The following ZNF451 variants were observed in gnomAD, a reference collection of about 807,000 sequenced individuals.
ZNF451 encodes E3 SUMO-protein ligase ZNF451.
In ZNF451, 80 loss-of-function variants were observed where a neutral mutation model predicts 107.1. That is an observed-to-expected ratio of 0.75 (90% CI 0.62 to 0.90). The LOEUF (loss-of-function observed/expected upper bound fraction) is 0.90. Ranked by LOEUF, ZNF451 falls within the 40% of genes least tolerant of loss-of-function variation. ZNF451 has a pLI of 0.00. For missense variants in ZNF451, 1,107 were observed against 1,236.2 expected, an observed-to-expected ratio of 0.90 and a Z score of 1.57; for synonymous variants, 362 against 406.5, an observed-to-expected ratio of 0.89 and a Z score of 1.32.
At chr6:57,131,974 T>C (rs1329707670) in intron 5 of ZNF451, among the ~76,000 whole-genome samples, 1 of 152,130 alleles carries the variant, frequency 6.6e-6, no homozygotes, top group Non-Finnish European at 1.5e-5. Context: ...GGCTGGGGGA[T>C]TCATCTACAA....
Position 57,147,781 on chromosome 6 carries a change from G to A in ZNF451, c.1696G>A (p.Val566Ile), listed in dbSNP as rs755477885. 13 of 1,613,846 alleles carry A rather than the reference G, an allele frequency of 8.1e-6. No homozygotes were observed. In the South Asian group the frequency reaches 1.3e-4, roughly 16 times the overall value. Residue 566 changes from valine (V) to isoleucine (I), a missense_variant, in exon 10 of 15, where the codon GTA becomes ATA. Physicochemically the swap from Val to Ile is conservative, Grantham distance 29. Transcript: ENST00000370706. ...CAGATATTTTTATGAGATGGATGAG[G>A]TAGAAGGTGAAACTTTGCCATCATC... Reference protein sequence around the residue: ...GHRYFYEMDEVEGETLPSSST... With the variant: ...GHRYFYEMDEIEGETLPSSST...
chr6:57,122,874 TATATTATCCAAAGGAAAATGCTGGAC>T (rs1290682988), intron 3 of ZNF451, among the ~76,000 whole-genome samples: 1 of 152,064 alleles, frequency 6.6e-6, no homozygotes, highest in East Asian at 1.9e-4. Context: ...CATTACTGGG[TATATTATCCAAAGGAAAATGCTGGAC>T]ATAGTGGCTC....
At chr6:57,145,100 A>C (rs1347043265) in intron 9 of ZNF451, among the ~76,000 whole-genome samples, 1 of 152,164 alleles carries the variant, frequency 6.6e-6, no homozygotes, top group African/African-American at 2.4e-5. Context: ...AAATATATTA[A>C]ATGTATAAAA....
At chr6:57,102,532 G>T (rs1419501709) in intron 3 of ZNF451, 1 of 988,780 alleles carries the variant, frequency 1.0e-6, no homozygotes, top group Non-Finnish European at 1.2e-6. Flanking sequence ...TTAACTTTTA[G>T]GTTATCAGTG....
At position 57,141,319 on chromosome 6, in the gene ZNF451, A is replaced by T. The variant is rs759617285; in HGVS notation, c.720A>T (p.Gly240=). ...HLFDKEATDD[G]HNNNLLPQII... ...TATTTTAGGAAGCCACAGATGATGG[A>T]CATAACAACAACCTTCTTCCTCAGA... Residue 240 remains glycine (G), a synonymous_variant, in exon 8 of 15, where the codon GGA becomes GGT. Coordinates refer to ENST00000370706, the MANE Select transcript of ZNF451 (RefSeq NM_001031623.3). 2.9e-5 allele frequency: 47 copies of T among 1,610,906 alleles called. No individual in the cohort carries two copies. Among genetic ancestry groups the T allele is most frequent in the Non-Finnish European group, 3.8e-5 (45 of 1,178,380 alleles).
intron 6 of ZNF451, chr6:57,134,286 A>G (rs1215528046): frequency 6.5e-6 from 1 of 154,278 alleles, no homozygotes; most frequent in Admixed American, 6.4e-5. Context: ...GCAGTTTAAA[A>G]TAATGCAGAT....
At chr6:57,099,283 G>A (rs1829471938) in intron 3 of ZNF451, 142 bp downstream of exon 3, 2 of 675,930 alleles carry the variant, frequency 3.0e-6, no homozygotes, top group Non-Finnish European at 5.2e-6. Flanking sequence ...AGTCCAAGGA[G>A]TCCTTTGCCC....
rs148268638 is a variant in ZNF451 at position 57,100,589 on chromosome 6, T to C, written c.186+1448T>C. On this transcript the variant is annotated intron_variant, in intron 3 of 14. Transcript: ENST00000370706. ...TTTTCTTCCTTGGTTTTCTTGTTCA[T>C]GTGGATAACCCAGAGAATGCCTGAA... is the stretch of plus-strand genomic sequence containing the variant. 814 of 1,469,612 alleles carry C rather than the reference T, an allele frequency of 5.5e-4. 11 individuals carry two copies. In the East Asian group the frequency reaches 0.011, roughly 20 times the overall value. The allele number at this position is 1,469,612 out of a possible 1,614,324, so 91.0% of individuals were successfully genotyped here.
intron 3 of ZNF451, among the ~76,000 whole-genome samples, chr6:57,111,189 G>A (rs1830091321): frequency 6.6e-6 from 1 of 151,260 alleles, no homozygotes; most frequent in South Asian, 2.1e-4. Context: ...CCGAAGTGCT[G>A]GGATTGCAGG....
chr6:57,100,708 A>T, intron 3 of ZNF451: 2 of 1,550,542 alleles, frequency 1.3e-6, no homozygotes, highest in Non-Finnish European at 8.7e-7. Flanking sequence ...CTTCTCTGGG[A>T]GTTGTTCCAG....
At chr6:57,091,562 A>G (rs1031905671) in intron 2 of ZNF451, 6 of 152,926 alleles carry the variant, frequency 3.9e-5, no homozygotes, top group Non-Finnish European at 8.7e-5. Flanking sequence ...GGACATAAGG[A>G]TTTCTGAGCA....
intron 3 of ZNF451, chr6:57,105,751 A>G (rs575027672): frequency 1.0e-6 from 1 of 985,362 alleles, no homozygotes; most frequent in African/African-American, 1.7e-5. Flanking sequence ...TGATAACACA[A>G]CTTATATTTG....
chr6:57,101,263 T>C, intron 3 of ZNF451: 2 of 1,551,066 alleles, frequency 1.3e-6, no homozygotes, highest in East Asian at 2.4e-5. Context: ...AGCGGAGTCA[T>C]GTGAAGGGAA....
chr6:57,125,016 A>ACATC (rs1391507715), intron 4 of ZNF451, among the ~76,000 whole-genome samples, 157 bp downstream of exon 4: 1 of 152,136 alleles, frequency 6.6e-6, no homozygotes, highest in Non-Finnish European at 1.5e-5. Flanking sequence ...ATAGCTTTTT[A>ACATC]CATCTATTTT....
intron 14 of ZNF451, among the ~76,000 whole-genome samples, chr6:57,164,603 A>G (rs1217246158): frequency 6.6e-6 from 1 of 152,216 alleles, no homozygotes; most frequent in Non-Finnish European, 1.5e-5. Context: ...TTCAATTAAT[A>G]GCAGTCAAAA....
chr6:57,124,319 A>C, intron 3 of ZNF451: 1 of 675,698 alleles, frequency 1.5e-6, no homozygotes, highest in Admixed American at 2.2e-5. Flanking sequence ...AGGCTCGTCC[A>C]CGCTAAGCAT....
chr6:57,102,929 A>C, intron 3 of ZNF451: 5 of 985,430 alleles, frequency 5.1e-6, no homozygotes, highest in Non-Finnish European at 6.0e-6. Context: ...TGACCTATCA[A>C]GCTCTCGTAT....
intron 5 of ZNF451, among the ~76,000 whole-genome samples, chr6:57,131,135 G>A (rs1831158911): frequency 6.6e-6 from 1 of 152,080 alleles, no homozygotes; most frequent in Non-Finnish European, 1.5e-5. Context: ...TCAAAATACA[G>A]TACTCAGCTG....
chr6:57,150,754 C>T lies in ZNF451; in HGVS notation c.2644C>T (p.Leu882=), dbSNP rs771929745. ...TGTTGAGCTTCCAGATTTGGATTACCTGCGAACCATGACTCATATAGTCTT... is the reference window on the plus strand; with the variant it reads ...TGTTGAGCTTCCAGATTTGGATTACTTGCGAACCATGACTCATATAGTCTT... ...EIVELPDLDY[L]RTMTHIVFVD... is the part of the protein sequence containing the mutation. Residue 882 remains leucine (L), a synonymous_variant, in exon 11 of 15, where the codon CTG becomes TTG. Transcript: ENST00000370706. The T allele has an allele frequency of 5.0e-6, 8 of 1,610,390 alleles. No individual in the cohort carries two copies. The highest frequency in any genetic ancestry group is 3.4e-5 in the Admixed American group (2 of 59,630).
Sources: allele counts gnomAD v4.1 joint callset (sites outside exome capture counted in the v4.1 genomes callset), GRCh38; gene constraint gnomAD v4.1.1; transcripts MANE v1.5; gene names NCBI Gene and HGNC (gene_info 2026-07-23, HGNC 2026-07-21).